GRIN2A: variants seen among roughly 807,000 people sequenced by gnomAD.
GRIN2A encodes the protein glutamate ionotropic receptor NMDA type subunit 2A.
Under a neutral mutation model 113.4 loss-of-function variants are expected in GRIN2A, and 22 were observed. That is an observed-to-expected ratio of 0.19 (90% CI 0.14 to 0.28). The LOEUF (loss-of-function observed/expected upper bound fraction) is 0.28, where lower values mean the gene tolerates loss of function less well. GRIN2A is among the 10% of genes least tolerant of loss of function. The pLI, the probability that GRIN2A is intolerant of heterozygous loss-of-function variation, is 1.00. For missense variants in GRIN2A, 1,502 were observed against 1,887.0 expected (o/e 0.80, Z 3.78); for synonymous variants, 827 against 738.4 (o/e 1.12, Z -1.94).
chr16:10,102,043 T>C (rs1223721720), intron 2 of GRIN2A, among the ~76,000 whole-genome samples: 2 of 152,226 alleles, frequency 1.3e-5, no homozygotes, highest in Non-Finnish European at 2.9e-5. Context: ...GGGGTATTTT[T>C]TACAGAATCA....
intron 2 of GRIN2A, among the ~76,000 whole-genome samples, chr16:10,161,584 G>A (rs530631206): frequency 1.5e-4 from 23 of 152,334 alleles, no homozygotes; most frequent in East Asian, 1.9e-4. Flanking sequence ...TGTGCAGAGC[G>A]TGTGTTTATC....
intron 10 of GRIN2A, among the ~76,000 whole-genome samples, chr16:9,814,483 A>G (rs139580098): frequency 7.3e-4 from 111 of 152,332 alleles, no homozygotes; most frequent in African/African-American, 2.5e-3. Flanking sequence ...GTCAGGTCAC[A>G]TTAAGTGCAA....
rs555243957 is a variant in GRIN2A at position 10,012,115 on chromosome 16, T to C, written c.415-73564A>G. 2.0e-5 allele frequency among the ~76,000 whole-genome samples: 3 copies of C among 152,328 alleles called. No homozygotes were observed. The South Asian group carries it at 6.2e-4, about 32-fold the overall frequency. ...ATTCAAGGTCATTTCTATAATAACA[T>C]CATTCTTACTCATTTACAATCTGAA... is the stretch of plus-strand genomic sequence containing the variant. On this transcript the variant is annotated intron_variant, in intron 2 of 12. Coordinates refer to ENST00000330684, the MANE Select transcript of GRIN2A (RefSeq NM_001134407.3).
At chr16:9,997,777 A>G (rs1301312580) in intron 2 of GRIN2A, among the ~76,000 whole-genome samples, 1 of 152,178 alleles carries the variant, frequency 6.6e-6, no homozygotes, top group Non-Finnish European at 1.5e-5. Context: ...TTCTCATGAT[A>G]GTGAATAAGT....
chr16:10,072,470 T>TG (rs2047773394), intron 2 of GRIN2A, among the ~76,000 whole-genome samples: 1 of 152,230 alleles, frequency 6.6e-6, no homozygotes, highest in African/African-American at 2.4e-5. Context: ...CTACTGAAGC[T>TG]GGGGTCCCAT....
chr16:10,132,818 G>T (rs1053503540), intron 2 of GRIN2A, among the ~76,000 whole-genome samples: 5 of 152,212 alleles, frequency 3.3e-5, no homozygotes, highest in African/African-American at 1.2e-4. Flanking sequence ...GTAACAAATT[G>T]CCATAAAGTT....
intron 2 of GRIN2A, among the ~76,000 whole-genome samples, chr16:10,007,154 C>T (rs548899285): frequency 2.0e-5 from 3 of 152,278 alleles, no homozygotes; most frequent in African/African-American, 7.2e-5. Flanking sequence ...TAGTTGACAG[C>T]GGAATTGCTG....
chr16:10,015,166 A>G (rs1437726062), intron 2 of GRIN2A, among the ~76,000 whole-genome samples: 1 of 144,746 alleles, frequency 6.9e-6, no homozygotes, highest in Non-Finnish European at 1.5e-5. Context: ...AGGCAGAAGA[A>G]TCACTTGAAC....
At chr16:10,037,627 T>C (rs1596450522) in intron 2 of GRIN2A, among the ~76,000 whole-genome samples, 1 of 152,168 alleles carries the variant, frequency 6.6e-6, no homozygotes, top group African/African-American at 2.4e-5. Flanking sequence ...TCTTTTATTA[T>C]TGGTTTTTAT....
rs1900795341 is a variant in GRIN2A at position 9,764,627 on chromosome 16, C to G, written c.2917G>C (p.Asp973His). 1.9e-6 allele frequency: 3 copies of G among 1,614,144 alleles called. No homozygotes were observed. The highest frequency in any genetic ancestry group is 2.5e-6 in the Non-Finnish European group (3 of 1,180,016). Residue 973 changes from aspartate to histidine, a missense_variant, in exon 13 of 13, where the codon GAT (aspartate) becomes CAT (histidine). Around this residue, in one of 7 missense-constraint regions of GRIN2A, gnomAD observed 832 missense variants for 789.7 expected, o/e 1.05. Transcript: ENST00000330684. The stretch of plus-strand genomic sequence containing the variant: ...TGGAATACATAGTTATTGAGGTTAT[C>G]CTTCTGCCGGTTGGCCACAAATGTT... ...LQTFVANRQK[D>H]NLNNYVFQGQ...
chr16:10,155,543 C>G (rs763114633), intron 2 of GRIN2A, among the ~76,000 whole-genome samples: 5 of 152,208 alleles, frequency 3.3e-5, no homozygotes, highest in Non-Finnish European at 7.3e-5. Context: ...GACTGCAATA[C>G]CATCCATGAT....
chr16:9,923,530 C>T (rs2044396998), intron 3 of GRIN2A, among the ~76,000 whole-genome samples: 1 of 151,708 alleles, frequency 6.6e-6, no homozygotes, highest in African/African-American at 2.4e-5. Flanking sequence ...TATTTTTTAT[C>T]ATTCTGTTTT....
At chr16:9,966,893 G>C (rs9788880) in intron 2 of GRIN2A, among the ~76,000 whole-genome samples, 67,959 of 152,054 alleles carry the variant, frequency 0.45, 15,727 homozygotes, top group Middle Eastern at 0.58. Context: ...TGCTGGTCCA[G>C]AAACCACACT....
intron 2 of GRIN2A, among the ~76,000 whole-genome samples, chr16:9,995,110 T>G (rs1472811518): frequency 6.6e-6 from 1 of 152,022 alleles, no homozygotes; most frequent in African/African-American, 2.4e-5. Context: ...CCTCCTATCA[T>G]CCCCTTAAGG....
intron 11 of GRIN2A, among the ~76,000 whole-genome samples, chr16:9,783,245 T>C (rs1003018269): frequency 1.3e-5 from 2 of 152,188 alleles, no homozygotes; most frequent in Non-Finnish European, 2.9e-5. Context: ...AGCTGCACTT[T>C]CCCCGTGGTT....
At chr16:9,960,617 C>A (rs2045419747) in intron 2 of GRIN2A, among the ~76,000 whole-genome samples, 1 of 151,988 alleles carries the variant, frequency 6.6e-6, no homozygotes, top group South Asian at 2.1e-4. Context: ...TTTTTATACA[C>A]TTTATTTTTA....
intron 2 of GRIN2A, among the ~76,000 whole-genome samples, chr16:9,990,551 G>GCA (rs2046086614): frequency 1.0e-5 from 1 of 98,966 alleles, no homozygotes; most frequent in Non-Finnish European, 2.3e-5. Context: ...CTACACGCGC[G>GCA]CGCGCGCGCG....
At chr16:10,081,253 C>T (rs762146466) in intron 2 of GRIN2A, among the ~76,000 whole-genome samples, 5 of 152,192 alleles carry the variant, frequency 3.3e-5, no homozygotes, top group Admixed American at 6.5e-5. Flanking sequence ...AGCTGATGCC[C>T]TGGATTAAGG....
chr16:10,168,099 A>T (rs1028007228), intron 2 of GRIN2A, among the ~76,000 whole-genome samples: 2 of 152,180 alleles, frequency 1.3e-5, no homozygotes, highest in African/African-American at 4.8e-5. Flanking sequence ...CCATTTCGAG[A>T]TCATTGGCAA....
Sources: allele counts gnomAD v4.1 joint callset (sites outside exome capture counted in the v4.1 genomes callset), GRCh38; gene constraint gnomAD v4.1.1; regional missense constraint gnomAD v4.1.1; transcripts MANE v1.5; gene names NCBI Gene and HGNC (gene_info 2026-07-23, HGNC 2026-07-21).